Variants in CCDC178 observed in about 807,000 individuals in gnomAD.
The protein encoded by CCDC178 is coiled-coil domain containing 178.
In CCDC178, 126 loss-of-function variants were observed where a neutral mutation model predicts 117.4. The ratio of observed to expected loss-of-function variants is 1.07; its 90% confidence interval spans 0.93 to 1.24. CCDC178 has a LOEUF of 1.24. Among genes scored for constraint, CCDC178 ranks in the 50% most tolerant of loss-of-function variants. The probability of loss-of-function intolerance (pLI) is 0.00; values close to 1 mark genes in which losing one functional copy is unlikely to be tolerated. For missense variants in CCDC178, 1,030 were observed against 986.9 expected (o/e 1.04, Z -0.59); for synonymous variants, 283 against 313.4 (o/e 0.90, Z 1.02).
At chr18:32,951,042 T>C (rs1254730360) in intron 22 of CCDC178, among the ~76,000 whole-genome samples, 1 of 152,206 alleles carries the variant, frequency 6.6e-6, no homozygotes, top group East Asian at 1.9e-4. Context: ...TGTATTTGTT[T>C]TGTCAAAAGA....
intron 20 of CCDC178, among the ~76,000 whole-genome samples, chr18:33,095,391 ATCACAAATTTTTCT>A (rs1475727104): frequency 6.6e-6 from 1 of 151,948 alleles, no homozygotes; most frequent in Non-Finnish European, 1.5e-5. Context: ...GTTCTTTATT[ATCACAAATTTTTCT>A]TTAAGCCTTG....
chr18:33,430,715 G>A (rs1208684800), intron 2 of CCDC178, among the ~76,000 whole-genome samples: 1 of 152,098 alleles, frequency 6.6e-6, no homozygotes, highest in Non-Finnish European at 1.5e-5. Flanking sequence ...TGTGATGTTG[G>A]ACTTTTGCAA....
intron 20 of CCDC178, among the ~76,000 whole-genome samples, chr18:33,099,626 T>A (rs925368887): frequency 6.6e-6 from 1 of 151,974 alleles, no homozygotes; most frequent in African/African-American, 2.4e-5. Context: ...GGAGAAAATA[T>A]CTTCTTTATT....
chr18:33,011,767 CAAAAAAAAAAAAAAAAAAAAAA>C (rs71177899), intron 21 of CCDC178, among the ~76,000 whole-genome samples: 5 of 30,014 alleles, frequency 1.7e-4, no homozygotes, highest in Admixed American at 3.9e-4. Context: ...GAGCAGAATG[CAAAAAAAAAAAAAAAAAAAAAA>C]AAAAAAAAAA....
At chr18:33,187,790 C>G (rs2058814705) in intron 20 of CCDC178, among the ~76,000 whole-genome samples, 2 of 152,072 alleles carry the variant, frequency 1.3e-5, no homozygotes, top group Admixed American at 6.6e-5. Context: ...GTTATCTAAA[C>G]CCAAGACCCA....
chr18:33,109,522 G>A (rs182934891), intron 20 of CCDC178, among the ~76,000 whole-genome samples: 2 of 151,584 alleles, frequency 1.3e-5, no homozygotes, highest in African/African-American at 4.8e-5. Context: ...TTAAGATACA[G>A]CATATGTCGT....
intron 21 of CCDC178, among the ~76,000 whole-genome samples, chr18:33,083,148 A>C (rs1294829049): frequency 1.3e-5 from 2 of 152,188 alleles, no homozygotes; most frequent in Non-Finnish European, 2.9e-5. Flanking sequence ...TATCAAGTAG[A>C]TTCTGCTGTT....
intron 11 of CCDC178, among the ~76,000 whole-genome samples, chr18:33,317,890 C>A (rs2062442264): frequency 6.6e-6 from 1 of 152,088 alleles, no homozygotes; most frequent in Admixed American, 6.5e-5. Context: ...AGATAGCCAA[C>A]CAAAGGACTT....
chr18:33,246,318 G>T (rs1046282056), intron 14 of CCDC178, among the ~76,000 whole-genome samples: 1 of 151,712 alleles, frequency 6.6e-6, no homozygotes, highest in Admixed American at 6.6e-5. Flanking sequence ...TCAGAATGTG[G>T]TTCATTAGAT....
chr18:33,386,101 G>A (rs1280925944), intron 5 of CCDC178, among the ~76,000 whole-genome samples: 1 of 152,134 alleles, frequency 6.6e-6, no homozygotes, highest in Non-Finnish European at 1.5e-5. Flanking sequence ...AAATCTACAA[G>A]AAATGGATAC....
chr18:33,261,240 C>T (rs895060717), intron 14 of CCDC178, among the ~76,000 whole-genome samples: 4 of 152,086 alleles, frequency 2.6e-5, no homozygotes, highest in Non-Finnish European at 5.9e-5. Flanking sequence ...CCCGCCACCA[C>T]GCCCGGCTAA....
intron 6 of CCDC178, among the ~76,000 whole-genome samples, chr18:33,368,610 C>T (rs1474907216): frequency 1.3e-5 from 2 of 151,794 alleles, no homozygotes; most frequent in East Asian, 3.9e-4. Flanking sequence ...GTTCAGAGCA[C>T]CAAGTCGGAT....
intron 21 of CCDC178, among the ~76,000 whole-genome samples, chr18:33,030,617 A>T (rs988975531): frequency 2.0e-5 from 3 of 152,054 alleles, no homozygotes; most frequent in Non-Finnish European, 4.4e-5. Context: ...GAATTGGTTC[A>T]CATGAGATAG....
At chr18:33,426,394 T>C (rs1207419360) in intron 2 of CCDC178, among the ~76,000 whole-genome samples, 1 of 152,232 alleles carries the variant, frequency 6.6e-6, no homozygotes, top group Non-Finnish European at 1.5e-5. Flanking sequence ...AATCCATCAA[T>C]TTGACCAGAC....
intron 2 of CCDC178, among the ~76,000 whole-genome samples, chr18:33,421,131 G>A (rs1010223008): frequency 3.9e-5 from 6 of 152,190 alleles, no homozygotes; most frequent in Non-Finnish European, 7.3e-5. Flanking sequence ...TTTTAGGGAA[G>A]AGTTTCCAGG....
chr18:32,943,196 A>G (rs1598710508), intron 22 of CCDC178, among the ~76,000 whole-genome samples: 1 of 152,322 alleles, frequency 6.6e-6, no homozygotes, highest in African/African-American at 2.4e-5. Flanking sequence ...TGATGGAGAG[A>G]AAGTGATCCT....
intron 3 of CCDC178, among the ~76,000 whole-genome samples, chr18:33,401,778 A>T (rs551212660): frequency 6.6e-6 from 1 of 152,228 alleles, no homozygotes; most frequent in Admixed American, 6.5e-5. Context: ...TGACACAAAA[A>T]GAAATAATAT....
intron 11 of CCDC178, among the ~76,000 whole-genome samples, chr18:33,304,389 A>G (rs2062220830): frequency 6.6e-6 from 1 of 152,240 alleles, no homozygotes; most frequent in Admixed American, 6.5e-5. Flanking sequence ...AGAGCATCTC[A>G]ATACATGGCA....
At chr18:33,321,481 T>C (rs1235364714) in intron 11 of CCDC178, among the ~76,000 whole-genome samples, 1 of 152,152 alleles carries the variant, frequency 6.6e-6, no homozygotes, top group African/African-American at 2.4e-5. Context: ...ACAATAATAA[T>C]GTACTTATCT....
Sources: gnomAD v4.1 joint callset for allele counts (sites outside exome capture counted in the v4.1 genomes callset) on GRCh38, gnomAD v4.1.1 for gene constraint, MANE v1.5 for transcripts, NCBI Gene and HGNC (gene_info 2026-07-23, HGNC 2026-07-21) for gene names.